The following TECTA variants were observed in gnomAD, a reference collection of about 807,000 sequenced individuals.
TECTA encodes tectorin alpha.
TECTA carries 128 observed loss-of-function variants against 216.8 expected under a neutral mutation model. The observed-to-expected ratio is 0.59, with a 90% CI of 0.51 to 0.68. TECTA has a LOEUF of 0.68. Among genes scored for constraint, TECTA ranks in the 30% least tolerant of loss-of-function variants. The pLI is 0.00. For synonymous variants in TECTA, 1,089 were observed against 1,117.1 expected (o/e 0.97, Z 0.50); for missense variants, 2,551 against 2,786.2 (o/e 0.92, Z 1.90).
Position 121,137,983 on chromosome 11 carries a change from C to T in TECTA, c.3504C>T (p.Tyr1168=). The change falls in exon 11 of 24, where the codon TAC becomes TAT. Residue 1168 remains tyrosine, a synonymous_variant. Transcript: ENST00000392793. The stretch of plus-strand genomic sequence containing the variant: ...AGGTGGACGTGACCGTGTTTGGCTA[C>T]AGCATCGTGATCCACCGAGCTTACA... ...VKQVDVTVFG[Y]SIVIHRAYKH... 1 of 1,613,554 alleles carries T rather than the reference C, an allele frequency of 6.2e-7. No individual in the cohort carries two copies. The highest frequency in any genetic ancestry group is 8.5e-7 in the Non-Finnish European group (1 of 1,179,540).
chr11:121,189,933 T>C (rs559047110), intron 23 of TECTA, 53 bp downstream of exon 23: 2 of 1,459,426 alleles, frequency 1.4e-6, no homozygotes, highest in East Asian at 4.5e-5. Context: ...GGAGGTTCTT[T>C]ACCACCAGAA....
At chr11:121,178,878 A>G (rs893725829) in intron 20 of TECTA, among the ~76,000 whole-genome samples, 1 of 152,114 alleles carries the variant, frequency 6.6e-6, no homozygotes, top group Non-Finnish European at 1.5e-5. Flanking sequence ...TACAAAGTGT[A>G]TAGTTGTTCA....
At chr11:121,152,284 T>C (rs1032265045) in intron 12 of TECTA, among the ~76,000 whole-genome samples, 3 of 152,234 alleles carry the variant, frequency 2.0e-5, no homozygotes, top group Middle Eastern at 3.2e-3. Flanking sequence ...CGGTGTACAT[T>C]TGCCTTCTCA....
intron 17 of TECTA, 142 bp from the exon 18 acceptor site, chr11:121,166,436 A>G (rs1234107287): frequency 2.4e-6 from 2 of 830,270 alleles, no homozygotes; most frequent in Non-Finnish European, 4.0e-6. Context: ...TGGTTTGATC[A>G]AAGCATAATT....
At chr11:121,184,934 C>T (rs551086251) in intron 20 of TECTA, among the ~76,000 whole-genome samples, 7 of 152,346 alleles carry the variant, frequency 4.6e-5, no homozygotes, top group South Asian at 2.1e-4. Context: ...TTTCTTCCTC[C>T]TCTTTTTGTA....
Position 121,158,149 on chromosome 11 carries a change from C to A in TECTA, c.4614C>A (p.Asn1538Lys). 1 of 1,614,200 alleles carries A rather than the reference C, an allele frequency of 6.2e-7. No homozygotes were observed. The highest frequency in any genetic ancestry group is 8.5e-7 in the Non-Finnish European group (1 of 1,180,046). The change falls in exon 14 of 24, where the codon AAC becomes AAA. Residue 1538 changes from asparagine to lysine, a missense_variant. Asn to Lys is a moderately conservative substitution (Grantham distance 94). This residue lies in a region of TECTA where 2,375 missense variants were observed against 2,563.9 expected (regional missense o/e 0.93). Coordinates refer to ENST00000392793, the MANE Select transcript of TECTA (RefSeq NM_005422.4). ...IINFDKWSAPNLTIISPVYFY... is the reference protein window; with the variant it reads ...IINFDKWSAPKLTIISPVYFY... The stretch of plus-strand genomic sequence containing the variant: ...ACTTCGACAAGTGGTCGGCCCCCAA[C>A]CTCACCATCATTTCGCCCGTCTACT...
chr11:121,142,704 G>A (rs186548670), intron 11 of TECTA, among the ~76,000 whole-genome samples: 7 of 152,208 alleles, frequency 4.6e-5, no homozygotes, highest in African/African-American at 1.4e-4. Context: ...TCCATGGCCT[G>A]ATCTCACTCC....
chr11:121,118,224 T>C (rs1946518631), intron 6 of TECTA, 82 bp from the exon 7 acceptor site: 11 of 1,554,056 alleles, frequency 7.1e-6, no homozygotes, highest in Non-Finnish European at 9.7e-6. Flanking sequence ...AATGGTATAA[T>C]GGAAGTAAAG....
chr11:121,124,936 G>T (rs768668414), intron 7 of TECTA, among the ~76,000 whole-genome samples: 41 of 152,218 alleles, frequency 2.7e-4, no homozygotes, highest in Non-Finnish European at 2.6e-4. Flanking sequence ...TTAAAGAATG[G>T]ATATTTAGAG....
At chr11:121,162,538 G>A (rs1220729230) in intron 16 of TECTA, among the ~76,000 whole-genome samples, 168 bp downstream of exon 16, 2 of 152,192 alleles carry the variant, frequency 1.3e-5, no homozygotes, top group Admixed American at 1.3e-4. Flanking sequence ...ATTCAGTGAC[G>A]GGCCCCTCCC....
chr11:121,170,454 T>C lies in TECTA; in HGVS notation c.5999+1529T>C, dbSNP rs544864157. 2.1e-3 allele frequency among the ~76,000 whole-genome samples: 326 copies of C among 152,150 alleles called. 3 individuals are homozygous for C. Among genetic ancestry groups the C allele is most frequent in the Non-Finnish European group, 3.2e-3 (215 of 67,954 alleles). On this transcript the variant is annotated intron_variant, in intron 20 of 23. Transcript: ENST00000392793. ...TTTTGTTTTGTTTGGTTTTGTTTTGTTTTGCTTTGTTTTGTTTTGCATGTG... is the reference window on the plus strand; with the variant it reads ...TTTTGTTTTGTTTGGTTTTGTTTTGCTTTGCTTTGTTTTGTTTTGCATGTG...
Position 121,138,022 on chromosome 11 carries a change from G to A in TECTA, c.3543G>A (p.Leu1181=). The A allele has an allele frequency of 6.2e-7, 1 of 1,613,906 alleles. No homozygotes were observed. The highest frequency in any genetic ancestry group is 2.2e-5 in the East Asian group (1 of 44,874). Residue 1181 remains leucine, a splice_region_variant and synonymous_variant, in exon 11 of 24, where the codon CTG becomes CTA. Coordinates refer to ENST00000392793, the MANE Select transcript of TECTA (RefSeq NM_005422.4). ...ACCGAGCTTACAAGCACACTGTGCT[G>A]GTGAGTAGTCATGAGGTCCCCTCAA... is the stretch of plus-strand genomic sequence containing the variant. ...VIHRAYKHTV[L]VNSERLYLPL... is the part of the protein sequence containing the mutation.
At chr11:121,118,764 T>C (rs2135067912) in intron 7 of TECTA, 46 bp downstream of exon 7, 1 of 1,608,156 alleles carries the variant, frequency 6.2e-7, no homozygotes, top group East Asian at 2.2e-5. Context: ...AAGCTGGAGA[T>C]TCTTCAGCCT....
intron 10 of TECTA, among the ~76,000 whole-genome samples, chr11:121,134,747 C>T (rs1445967195): frequency 6.6e-6 from 1 of 152,152 alleles, no homozygotes; most frequent in Non-Finnish European, 1.5e-5. Flanking sequence ...CATTTCAGTG[C>T]CGTCCTTTTA....
In TECTA at chr11:121,187,310, A is replaced by G. The variant is rs533680249; in HGVS notation, c.6000-522A>G. Among the ~76,000 whole-genome samples the G allele has an allele frequency of 3.9e-5, 6 of 152,202 alleles. No homozygotes were observed. In the East Asian group the frequency reaches 1.2e-3, roughly 29 times the overall value. On this transcript the variant is annotated intron_variant, in intron 20 of 23. Coordinates refer to ENST00000392793, the MANE Select transcript of TECTA (RefSeq NM_005422.4). The stretch of plus-strand genomic sequence containing the variant: ...CCACAAGAAGGAAGGGGGCTGAGAA[A>G]AGTGGCAGTCAGCTACATCAAAACG...
At chr11:121,190,084 T>C (rs1947327086) in intron 23 of TECTA, 1 of 584,264 alleles carries the variant, frequency 1.7e-6, no homozygotes, top group Admixed American at 3.0e-5. Flanking sequence ...CAAAAAAACC[T>C]TGCTCTTTCA....
chr11:121,145,648 T>G lies in TECTA; in HGVS notation c.3637T>G (p.Phe1213Val). ...CTTCCACGTGGTGGTGGAAACTGATTTTGGCCTGAAGGTTGTATATGACTG... is the reference window on the plus strand; with the variant it reads ...CTTCCACGTGGTGGTGGAAACTGATGTTGGCCTGAAGGTTGTATATGACTG... The part of the protein sequence containing the change: ...FGFHVVVETD[F>V]GLKVVYDWKT... The change falls in exon 12 of 24, where the codon TTT (phenylalanine) becomes GTT (valine). Residue 1213 changes from phenylalanine to valine, a missense_variant. Phe to Val is a conservative substitution (Grantham distance 50). Around this residue, in one of 3 missense-constraint regions of TECTA, gnomAD observed 2,375 missense variants for 2,563.9 expected, o/e 0.93. Transcript: ENST00000392793. 6.2e-7 allele frequency: 1 copy of G among 1,614,258 alleles called. No homozygotes were observed. The highest frequency in any genetic ancestry group is 8.5e-7 in the Non-Finnish European group (1 of 1,180,042).
At chr11:121,158,272 G>T in intron 14 of TECTA, 48 bp downstream of exon 14, 2 of 1,603,250 alleles carry the variant, frequency 1.2e-6, no homozygotes, top group Non-Finnish European at 1.7e-6. Context: ...GAAACAAGGG[G>T]TTGGCTAGGG....
intron 18 of TECTA, among the ~76,000 whole-genome samples, chr11:121,167,514 G>T (rs982408362): frequency 6.6e-6 from 1 of 152,246 alleles, no homozygotes; most frequent in African/African-American, 2.4e-5. Context: ...ATTATCCAGT[G>T]TATAGGTTAG....
Sources: gnomAD v4.1 joint callset for allele counts (sites outside exome capture counted in the v4.1 genomes callset) on GRCh38, gnomAD v4.1.1 for gene constraint, gnomAD v4.1.1 regional missense constraint, MANE v1.5 for transcripts, NCBI Gene and HGNC (gene_info 2026-07-23, HGNC 2026-07-21) for gene names.